Variants in ZNF804A observed in about 807,000 individuals in gnomAD.
ZNF804A encodes the protein zinc finger protein 804A.
Under a neutral mutation model 16.5 loss-of-function variants are expected in ZNF804A, and 2 were observed. That is an observed-to-expected ratio of 0.12 (90% CI 0.05 to 0.38). The LOEUF is 0.38. ZNF804A is among the 10% of genes least tolerant of loss of function. ZNF804A has a pLI of 0.99. For synonymous variants in ZNF804A, 534 were observed against 489.6 expected (o/e 1.09, Z -1.20); for missense variants, 1,473 against 1,390.7 (o/e 1.06, Z -0.94).
intron 1 of ZNF804A, among the ~76,000 whole-genome samples, chr2:184,733,637 C>T (rs562755381): frequency 6.6e-6 from 1 of 152,124 alleles, no homozygotes; most frequent in Admixed American, 6.5e-5. Context: ...CTTTAGTAAA[C>T]CCATCTGAGC....
In ZNF804A at chr2:184,938,318, A is replaced by G; in HGVS notation, c.2922A>G (p.Glu974=). ...SQPKSYLCHY[E]LAEALPQGKM... ...CTAAATCCTATCTTTGCCATTATGA[A>G]CTGGCTGAGGCCCTTCCACAAGGAA... The change falls in exon 4 of 4, where the codon GAA becomes GAG. Residue 974 remains glutamate, a synonymous_variant. Transcript: ENST00000302277. 1 of 1,614,170 alleles carries G rather than the reference A, an allele frequency of 6.2e-7. No homozygotes were observed. Among genetic ancestry groups the G allele is most frequent in the South Asian group, 1.1e-5 (1 of 91,088 alleles).
intron 1 of ZNF804A, among the ~76,000 whole-genome samples, chr2:184,810,126 A>G (rs1663436760): frequency 1.3e-5 from 2 of 152,204 alleles, no homozygotes; most frequent in South Asian, 2.1e-4. Flanking sequence ...AAGTTTTATT[A>G]AAGCACAGCT....
chr2:184,633,677 C>T (rs950250225), intron 1 of ZNF804A, among the ~76,000 whole-genome samples: 1 of 152,000 alleles, frequency 6.6e-6, no homozygotes, highest in African/African-American at 2.4e-5. Context: ...CACAAATGTC[C>T]ACAAAGAAAT....
chr2:184,737,513 C>G (rs1472278485), intron 1 of ZNF804A, among the ~76,000 whole-genome samples: 1 of 152,024 alleles, frequency 6.6e-6, no homozygotes, highest in Admixed American at 6.6e-5. Flanking sequence ...AAACCTTATA[C>G]TTGGTGCTTT....
In ZNF804A at chr2:184,883,934, A is replaced by C. The variant is rs536377448; in HGVS notation, c.255+17422A>C. Among the ~76,000 whole-genome samples the C allele has an allele frequency of 8.1e-3, 1,224 of 151,994 alleles. 11 individuals carry two copies. Among genetic ancestry groups the C allele is most frequent in the Middle Eastern group, 0.062 (18 of 292 alleles). On this transcript the variant is annotated intron_variant, in intron 2 of 3. Transcript: ENST00000302277. ...ACTCACCACTCCTATTTCACATAGTACTAGAGGTATTTTACTAGCCAGAGC... is the reference window on the plus strand; with the variant it reads ...ACTCACCACTCCTATTTCACATAGTCCTAGAGGTATTTTACTAGCCAGAGC...
intron 1 of ZNF804A, among the ~76,000 whole-genome samples, chr2:184,762,014 C>T (rs1694042580): frequency 6.6e-6 from 1 of 152,082 alleles, no homozygotes; most frequent in Non-Finnish European, 1.5e-5. Flanking sequence ...TTCCTTCAAA[C>T]TGCTGACGTA....
At chr2:184,741,140 C>G (rs188688719) in intron 1 of ZNF804A, among the ~76,000 whole-genome samples, 70 of 152,272 alleles carry the variant, frequency 4.6e-4, no homozygotes, top group Non-Finnish European at 8.2e-4. Context: ...CAAGATTATC[C>G]TCAGTTTCAG....
At chr2:184,606,649 C>G (rs1461607328) in intron 1 of ZNF804A, among the ~76,000 whole-genome samples, 2 of 152,140 alleles carry the variant, frequency 1.3e-5, no homozygotes, top group Non-Finnish European at 2.9e-5. Context: ...GTGGTTTGGC[C>G]TGATAACCAG....
chr2:184,637,690 T>A (rs991039870), intron 1 of ZNF804A, among the ~76,000 whole-genome samples: 2 of 30,952 alleles, frequency 6.5e-5, no homozygotes, highest in African/African-American at 2.7e-4. Flanking sequence ...AGAAAATAGC[T>A]TTTTAAGGTA....
intron 1 of ZNF804A, among the ~76,000 whole-genome samples, chr2:184,628,485 A>G (rs1380595750): frequency 1.3e-5 from 2 of 152,262 alleles, no homozygotes; most frequent in South Asian, 2.1e-4. Context: ...GCCAAAAGTC[A>G]TATTTTTCAA....
In ZNF804A at chr2:184,861,917, A is replaced by G. The variant is rs140473992; in HGVS notation, c.112-4452A>G. ...TTGTGATTTTATAACTTGAAGGTAT[A>G]TGCATACTGCTTCCCTAAAAGAAAG... is the stretch of plus-strand genomic sequence containing the variant. On this transcript the variant is annotated intron_variant, in intron 1 of 3. Transcript: ENST00000302277. Among the ~76,000 whole-genome samples the G allele has an allele frequency of 9.8e-5, 15 of 152,310 alleles. No homozygotes were observed. In the East Asian group the frequency reaches 2.9e-3, roughly 29 times the overall value.
At chr2:184,746,529 T>A (rs1340505249) in intron 1 of ZNF804A, among the ~76,000 whole-genome samples, 1 of 151,546 alleles carries the variant, frequency 6.6e-6, no homozygotes, top group Non-Finnish European at 1.5e-5. Context: ...CAAACAATTA[T>A]CATTTATTTG....
chr2:184,624,874 A>G (rs1691472413), intron 1 of ZNF804A, among the ~76,000 whole-genome samples: 1 of 152,316 alleles, frequency 6.6e-6, no homozygotes, highest in African/African-American at 2.4e-5. Flanking sequence ...ATTTGAAAAT[A>G]TATCACTTTG....
chr2:184,898,419 G>A (rs1439233698), intron 2 of ZNF804A, among the ~76,000 whole-genome samples: 2 of 151,920 alleles, frequency 1.3e-5, no homozygotes, highest in East Asian at 3.9e-4. Context: ...ACCTGCTTGT[G>A]GAATATAGAA....
chr2:184,889,817 T>G (rs1418976495), intron 2 of ZNF804A, among the ~76,000 whole-genome samples: 1 of 152,066 alleles, frequency 6.6e-6, no homozygotes, highest in Non-Finnish European at 1.5e-5. Flanking sequence ...TACATTAAAT[T>G]CAAAAATCTA....
chr2:184,618,699 A>G (rs1427788801), intron 1 of ZNF804A, among the ~76,000 whole-genome samples: 1 of 152,014 alleles, frequency 6.6e-6, no homozygotes, highest in East Asian at 1.9e-4. Context: ...CCTTCTATAT[A>G]CTATTAAGAT....
At chr2:184,844,375 T>A (rs1452913190) in intron 1 of ZNF804A, among the ~76,000 whole-genome samples, 1 of 152,134 alleles carries the variant, frequency 6.6e-6, no homozygotes, top group Non-Finnish European at 1.5e-5. Context: ...CCTGAAAAGC[T>A]TCTTTTAATA....
At chr2:184,650,141 A>G (rs1483112155) in intron 1 of ZNF804A, among the ~76,000 whole-genome samples, 1 of 152,142 alleles carries the variant, frequency 6.6e-6, no homozygotes, top group Non-Finnish European at 1.5e-5. Flanking sequence ...CCTGGGATTC[A>G]AGGTTGGGTC....
chr2:184,773,631 G>A (rs929503228), intron 1 of ZNF804A, among the ~76,000 whole-genome samples: 20 of 151,838 alleles, frequency 1.3e-4, no homozygotes, highest in Admixed American at 1.3e-3. Flanking sequence ...GAATGATACA[G>A]TGAACTTTGG....
Sources: allele counts gnomAD v4.1 joint callset (sites outside exome capture counted in the v4.1 genomes callset), GRCh38; gene constraint gnomAD v4.1.1; transcripts MANE v1.5; gene names NCBI Gene and HGNC (gene_info 2026-07-23, HGNC 2026-07-21).